Variants in ARRB1 observed in about 807,000 individuals in gnomAD.
The protein encoded by ARRB1 is beta-arrestin-1.
ARRB1 carries 21 observed loss-of-function variants against 56.8 expected under a neutral mutation model. The ratio of observed to expected loss-of-function variants is 0.37; its 90% CI spans 0.26 to 0.53. ARRB1 has a LOEUF of 0.53. Among genes scored for constraint, ARRB1 ranks in the 20% least tolerant of loss-of-function variants. The pLI is 0.88. For synonymous variants in ARRB1, 210 were observed against 218.6 expected, an observed-to-expected ratio of 0.96 and a Z score of 0.35; for missense variants, 424 against 553.7, an observed-to-expected ratio of 0.77 and a Z score of 2.35.
At chr11:75,276,965 A>G in intron 9 of ARRB1, 54 bp from the exon 10 acceptor site, 2 of 1,576,486 alleles carry the variant, frequency 1.3e-6, no homozygotes, top group Admixed American at 1.7e-5. Flanking sequence ...GCTCCCATGG[A>G]GTCTCACAGG....
rs769237543 is a variant in ARRB1, at chr11:75,281,953, G to T, written c.414+9C>A. 2 of 1,613,954 alleles carry T rather than the reference G, an allele frequency of 1.2e-6. No homozygotes were observed. The highest frequency in any genetic ancestry group is 4.5e-5 in the East Asian group (2 of 44,872). Reference sequence around the variant, plus strand: ...GAGCCAGAGAGATGGTCCCCTTGGGGTGACCTACCTTCCCCGTGTCTTCGG... The same window carrying T: ...GAGCCAGAGAGATGGTCCCCTTGGGTTGACCTACCTTCCCCGTGTCTTCGG... On this transcript the variant is annotated intron_variant, in intron 6 of 15. Transcript: ENST00000420843.
chr11:75,280,892 C>T (rs1246795287), intron 7 of ARRB1, 183 bp downstream of exon 7: 5 of 660,656 alleles, frequency 7.6e-6, no homozygotes, highest in African/African-American at 1.8e-5. Context: ...CCCAGGCAGT[C>T]GAAGCCACCT....
At chr11:75,348,754 C>T (rs1325101022) in intron 1 of ARRB1, among the ~76,000 whole-genome samples, 2 of 152,148 alleles carry the variant, frequency 1.3e-5, no homozygotes, top group Non-Finnish European at 1.5e-5. Flanking sequence ...TGTGCCACCA[C>T]ACTCAGCTAA....
At chr11:75,343,991 A>C (rs1947730762) in intron 1 of ARRB1, among the ~76,000 whole-genome samples, 3 of 151,822 alleles carry the variant, frequency 2.0e-5, no homozygotes, top group Admixed American at 2.0e-4. Flanking sequence ...AATTTTTCAT[A>C]TTTTTAGTAG....
intron 15 of ARRB1, 36 bp downstream of exon 15, chr11:75,267,616 C>CCCCCCCCCG: frequency 6.3e-7 from 1 of 1,577,494 alleles, no homozygotes; most frequent in Non-Finnish European, 8.7e-7. Context: ...CACCCGCGGC[C>CCCCCCCCCG]CACCCCCGGA....
At chr11:75,270,880 TATAAGGCTGTCAGAGCTATTTG>T in intron 13 of ARRB1, 1 of 152,360 alleles carries the variant, frequency 6.6e-6, no homozygotes, top group East Asian at 1.9e-4. Context: ...CTGGGGGTTT[TATAAGGCTGTCAGAGCTATTTG>T]GCCTTTTTTT....
In ARRB1 at chr11:75,286,086, G is replaced by A. The variant is rs577191991; in HGVS notation, c.112+1229C>T. Among the ~76,000 whole-genome samples, 150 of 152,086 alleles carry A rather than the reference G, an allele frequency of 9.9e-4. 2 individuals carry two copies. The highest frequency in any genetic ancestry group is 3.6e-3 in the African/African-American group (148 of 41,508). ...GAAGGGCTCTGCTGACAGCCCCCTG[G>A]CCCTGGGAGCCCAGGGTCCCCAGGT... On this transcript the variant is annotated intron_variant, in intron 3 of 15. Transcript: ENST00000420843.
chr11:75,272,038 G>C (rs35891965), intron 12 of ARRB1, among the ~76,000 whole-genome samples: 1 of 152,182 alleles, frequency 6.6e-6, no homozygotes, highest in Non-Finnish European at 1.5e-5. Context: ...ACTATCTAAA[G>C]GCAGAGGGAA....
At position 75,339,888 on chromosome 11, in the gene ARRB1, A is replaced by G. The variant is rs141147574; in HGVS notation, c.20+11700T>C. ...CAGAAACGATATAAGCTAACCCTGAAAACTCCTAGCCCGAGGCCCGGGGAG... is the reference window on the plus strand; with the variant it reads ...CAGAAACGATATAAGCTAACCCTGAGAACTCCTAGCCCGAGGCCCGGGGAG... On this transcript the variant is annotated intron_variant, in intron 1 of 15. Transcript: ENST00000420843. Among the ~76,000 whole-genome samples, 148 of 152,320 alleles carry G rather than the reference A, an allele frequency of 9.7e-4. 2 individuals carry two copies. The East Asian group carries it at 0.021, about 22-fold the overall frequency.
At position 75,334,939 on chromosome 11, in the gene ARRB1, TG is replaced by T. The variant is rs200322611; in HGVS notation, c.20+16648del. Among the ~76,000 whole-genome samples, 251 of 146,858 alleles carry T rather than the reference TG, an allele frequency of 1.7e-3. 2 individuals are homozygous for T. The East Asian group carries it at 0.022, about 13-fold the overall frequency. On this transcript the variant is annotated intron_variant, in intron 1 of 15. Coordinates refer to ENST00000420843, the MANE Select transcript of ARRB1 (RefSeq NM_004041.5). ...TACAGAGCTTGGAAGGTTTTTTTTT[TG>T]TTTGTTTGTTTGTTTTAAAAAAAAA...
At chr11:75,351,445 A>C (rs974781533) in intron 1 of ARRB1, 143 bp downstream of exon 1, 15 of 1,294,572 alleles carry the variant, frequency 1.2e-5, no homozygotes, top group Non-Finnish European at 1.5e-5. Flanking sequence ...GAGACCACAC[A>C]GGAGACCTCG....
intron 1 of ARRB1, among the ~76,000 whole-genome samples, chr11:75,303,263 A>G (rs1388345253): frequency 6.6e-6 from 1 of 152,032 alleles, no homozygotes; most frequent in Non-Finnish European, 1.5e-5. Flanking sequence ...CAGCCTCCCA[A>G]AGTGTTGGGA....
chr11:75,316,148 T>C (rs537764881), intron 1 of ARRB1, among the ~76,000 whole-genome samples: 4 of 152,126 alleles, frequency 2.6e-5, no homozygotes, highest in Non-Finnish European at 4.4e-5. Context: ...GCCAACATGG[T>C]GAAACCCCGT....
At chr11:75,334,306 CAA>C (rs11403871) in intron 1 of ARRB1, among the ~76,000 whole-genome samples, 1 of 109,718 alleles carries the variant, frequency 9.1e-6, no homozygotes. Context: ...CCGTCTCAAA[CAA>C]AAAAAAAAAA....
intron 2 of ARRB1, 150 bp from the exon 3 acceptor site, chr11:75,287,525 C>G: frequency 1.4e-6 from 1 of 698,246 alleles, no homozygotes; most frequent in Non-Finnish European, 2.3e-6. Context: ...GCCTTCACCC[C>G]AGCCCTAATA....
At chr11:75,295,984 A>C (rs892108533) in intron 1 of ARRB1, among the ~76,000 whole-genome samples, 16 of 152,270 alleles carry the variant, frequency 1.1e-4, no homozygotes, top group African/African-American at 3.6e-4. Flanking sequence ...CAGGAGTTTG[A>C]GACCAGCCCG....
intron 1 of ARRB1, among the ~76,000 whole-genome samples, chr11:75,299,920 TG>T (rs111626932): frequency 0.05 from 7,666 of 152,002 alleles, 666 homozygotes; most frequent in African/African-American, 0.18. Context: ...AAAAAGATGG[TG>T]GTAGGACAGG....
intron 8 of ARRB1, among the ~76,000 whole-genome samples, chr11:75,277,836 G>T (rs555613012): frequency 6.6e-6 from 1 of 152,342 alleles, no homozygotes; most frequent in South Asian, 2.1e-4. Context: ...AGCAGTAATT[G>T]TGACAACAAT....
At chr11:75,309,082 C>T (rs1034834527) in intron 1 of ARRB1, among the ~76,000 whole-genome samples, 1 of 152,262 alleles carries the variant, frequency 6.6e-6, no homozygotes, top group Non-Finnish European at 1.5e-5. Context: ...GCCCGCCTGG[C>T]GGCCCCAAAG....
Sources: gnomAD v4.1 joint callset for allele counts (sites outside exome capture counted in the v4.1 genomes callset) on GRCh38, gnomAD v4.1.1 for gene constraint, MANE v1.5 for transcripts, NCBI Gene and HGNC (gene_info 2026-07-23, HGNC 2026-07-21) for gene names.